The following TMCC1 variants were observed in gnomAD, a reference collection of about 807,000 sequenced individuals.
TMCC1 encodes transmembrane and coiled-coil domain family 1, also known as transmembrane and coiled-coil domains protein 1.
A neutral mutation model predicts 52.4 loss-of-function variants in TMCC1; 15 were observed. The ratio of observed to expected loss-of-function variants is 0.29; its 90% confidence interval spans 0.19 to 0.44. The LOEUF (loss-of-function observed/expected upper bound fraction) is 0.44, where lower values mean the gene tolerates loss of function less well. Ranked by LOEUF, TMCC1 falls within the 20% of genes least tolerant of loss-of-function variation. TMCC1 has a pLI of 1.00. For synonymous variants in TMCC1, 279 were observed against 301.9 expected, an observed-to-expected ratio of 0.92 and a Z score of 0.79; for missense variants, 503 against 806.0, an observed-to-expected ratio of 0.62 and a Z score of 4.55.
chr3:129,777,736 T>C (rs1221383221), intron 4 of TMCC1, among the ~76,000 whole-genome samples: 1 of 152,256 alleles, frequency 6.6e-6, no homozygotes, highest in Non-Finnish European at 1.5e-5. Flanking sequence ...CCTTTGGTTA[T>C]GCCCAGAGTC....
intron 2 of TMCC1, among the ~76,000 whole-genome samples, chr3:129,877,345 A>G (rs1449307291): frequency 6.6e-6 from 1 of 152,180 alleles, no homozygotes; most frequent in Non-Finnish European, 1.5e-5. Flanking sequence ...ATTAGACTCC[A>G]GGATACCCTC....
At chr3:129,752,921 A>C (rs1014866196) in intron 4 of TMCC1, among the ~76,000 whole-genome samples, 1 of 152,182 alleles carries the variant, frequency 6.6e-6, no homozygotes, top group Non-Finnish European at 1.5e-5. Flanking sequence ...AAGGGGAAGC[A>C]GGCACATCTT....
chr3:129,669,256 A>G (rs1051744652), intron 5 of TMCC1, among the ~76,000 whole-genome samples: 25 of 152,170 alleles, frequency 1.6e-4, no homozygotes, highest in African/African-American at 6.0e-4. Flanking sequence ...TATCTGTTCA[A>G]CTCCTGATGT....
chr3:129,764,113 G>A (rs2053883134), intron 4 of TMCC1, among the ~76,000 whole-genome samples: 1 of 152,080 alleles, frequency 6.6e-6, no homozygotes, highest in African/African-American at 2.4e-5. Context: ...AATATGATGA[G>A]CTACTGATCT....
intron 2 of TMCC1, among the ~76,000 whole-genome samples, chr3:129,837,669 C>T (rs1369070489): frequency 6.6e-6 from 1 of 152,022 alleles, no homozygotes. Flanking sequence ...CTCAAAGGGA[C>T]AAAGCAATTA....
chr3:129,679,042 C>A (rs542054029), intron 4 of TMCC1, among the ~76,000 whole-genome samples: 2 of 152,294 alleles, frequency 1.3e-5, no homozygotes, highest in South Asian at 2.1e-4. Context: ...ATGATCTACA[C>A]CTGCACCACT....
chr3:129,660,772 A>AT (rs1422100976), intron 5 of TMCC1, among the ~76,000 whole-genome samples: 1 of 151,996 alleles, frequency 6.6e-6, no homozygotes, highest in East Asian at 1.9e-4. Flanking sequence ...AGTAATTTTT[A>AT]TTTTTTTATT....
At chr3:129,835,823 G>A (rs1407287703) in intron 2 of TMCC1, among the ~76,000 whole-genome samples, 1 of 151,838 alleles carries the variant, frequency 6.6e-6, no homozygotes. Flanking sequence ...AAAGGAGAAA[G>A]AATTAAAATA....
At chr3:129,853,566 CT>C (rs2060009590) in intron 2 of TMCC1, among the ~76,000 whole-genome samples, 1 of 149,360 alleles carries the variant, frequency 6.7e-6, no homozygotes, top group Admixed American at 6.7e-5. Context: ...GAGGTCTAGG[CT>C]GCAGTGAGCT....
chr3:129,678,359 CTTTTTTTTTT>C (rs71155564), intron 4 of TMCC1, among the ~76,000 whole-genome samples: 1 of 117,202 alleles, frequency 8.5e-6, no homozygotes, highest in African/African-American at 3.4e-5. Flanking sequence ...TTGTTTAATT[CTTTTTTTTTT>C]TTTTTTTTTG....
At chr3:129,888,846 T>A (rs904607798) in intron 1 of TMCC1, among the ~76,000 whole-genome samples, 1 of 152,176 alleles carries the variant, frequency 6.6e-6, no homozygotes, top group African/African-American at 2.4e-5. Flanking sequence ...TAAGTCATAC[T>A]GGTAGTATAC....
chr3:129,819,838 G>T (rs545578802), intron 4 of TMCC1: 19 of 152,168 alleles, frequency 1.2e-4, no homozygotes, highest in African/African-American at 4.1e-4. Flanking sequence ...GGCTTCTGAA[G>T]AAGATGACAC....
chr3:129,662,476 C>A (rs1014180556), intron 5 of TMCC1, among the ~76,000 whole-genome samples: 2 of 151,920 alleles, frequency 1.3e-5, no homozygotes, highest in African/African-American at 4.8e-5. Context: ...AGAAAAGGCA[C>A]ACTAAAAATA....
chr3:129,788,909 G>C (rs1435737185), intron 4 of TMCC1, among the ~76,000 whole-genome samples: 2 of 152,180 alleles, frequency 1.3e-5, no homozygotes, highest in African/African-American at 4.8e-5. Context: ...CATATGCATA[G>C]TAGCAATTAG....
At chr3:129,818,339 T>G (rs940979940) in intron 4 of TMCC1, among the ~76,000 whole-genome samples, 21 of 151,970 alleles carry the variant, frequency 1.4e-4, no homozygotes, top group African/African-American at 5.1e-4. Context: ...TAAAGAAAAG[T>G]TTTAAAGAAA....
At chr3:129,816,171 G>A (rs567725895) in intron 4 of TMCC1, among the ~76,000 whole-genome samples, 6 of 152,072 alleles carry the variant, frequency 3.9e-5, no homozygotes, top group Admixed American at 1.3e-4. Flanking sequence ...AAAACTTTAC[G>A]GAGGTTCCTT....
At chr3:129,728,604 AT>A (rs1251078765) in intron 4 of TMCC1, among the ~76,000 whole-genome samples, 1 of 152,138 alleles carries the variant, frequency 6.6e-6, no homozygotes, top group African/African-American at 2.4e-5. Flanking sequence ...TTTTTAAAAA[AT>A]TTCTTAACAC....
At position 129,726,868 on chromosome 3, in the gene TMCC1, C is replaced by CAAAAAAA. The variant is rs550398948; in HGVS notation, c.577-55611_577-55605dup. ...TGGGTAACAGAGCAAGACTCTGTCT[C>CAAAAAAA]AAAAAAAAAAAAAAAAAAAAAAAAA... On this transcript the variant is annotated intron_variant, in intron 4 of 6. Coordinates refer to ENST00000393238, the MANE Select transcript of TMCC1 (RefSeq NM_001017395.5). Among the ~76,000 whole-genome samples, 61 of 12,814 alleles carry CAAAAAAA rather than the reference C, an allele frequency of 4.8e-3. 15 individuals are homozygous for CAAAAAAA. Among genetic ancestry groups the CAAAAAAA allele is most frequent in the African/African-American group, 0.012 (54 of 4,602 alleles). The allele number at this position is 12,814 out of a possible 152,430, so 8.4% of individuals were successfully genotyped here.
chr3:129,711,991 G>T (rs1374374379), intron 4 of TMCC1, among the ~76,000 whole-genome samples: 1 of 92,844 alleles, frequency 1.1e-5, no homozygotes, highest in East Asian at 3.7e-4. Flanking sequence ...GACAGAGTGA[G>T]ACTCTGTCTC....
Sources: allele counts gnomAD v4.1 joint callset (sites outside exome capture counted in the v4.1 genomes callset), GRCh38; gene constraint gnomAD v4.1.1; transcripts MANE v1.5; gene names NCBI Gene and HGNC (gene_info 2026-07-23, HGNC 2026-07-21).